The following FBXW4 variants were observed in gnomAD, a reference collection of about 807,000 sequenced individuals.
FBXW4 encodes F-box/WD repeat-containing protein 4.
FBXW4 carries 40 observed loss-of-function variants against 61.8 expected under a neutral mutation model. The ratio of observed to expected loss-of-function variants is 0.65; its 90% CI spans 0.50 to 0.84. FBXW4 has a LOEUF of 0.84. Among genes scored for constraint, FBXW4 ranks in the 40% least tolerant of loss-of-function variants. The pLI is 0.00. For missense variants in FBXW4, 672 were observed against 753.8 expected, an observed-to-expected ratio of 0.89 and a Z score of 1.27; for synonymous variants, 311 against 313.8, an observed-to-expected ratio of 0.99 and a Z score of 0.10.
chr10:101,645,598 G>A (rs1481995998), intron 5 of FBXW4, among the ~76,000 whole-genome samples: 1 of 152,220 alleles, frequency 6.6e-6, no homozygotes, highest in East Asian at 1.9e-4. Context: ...GACAAAGACA[G>A]GGCTTCATTC....
chr10:101,629,880 G>T (rs2063937679), intron 5 of FBXW4, among the ~76,000 whole-genome samples: 1 of 152,174 alleles, frequency 6.6e-6, no homozygotes, highest in African/African-American at 2.4e-5. Context: ...CCACCTGGAA[G>T]AAGAAAGAAG....
intron 6 of FBXW4, among the ~76,000 whole-genome samples, chr10:101,616,433 G>A (rs2063826935): frequency 6.6e-6 from 1 of 152,226 alleles, no homozygotes; most frequent in African/African-American, 2.4e-5. Context: ...TCAATCCAGG[G>A]AGAGAAAGAA....
chr10:101,611,700 G>A lies in FBXW4; in HGVS notation c.1512C>T (p.His504=), dbSNP rs750557282. The A allele has an allele frequency of 6.2e-7, 1 of 1,614,206 alleles. No individual in the cohort carries two copies. The highest frequency in any genetic ancestry group is 1.1e-5 in the South Asian group (1 of 91,084). ...AGTAGGAGGAACCTGTGGCCAGCAG[G>A]TGGTTGCCATCTGTCTGCAGGCAGT... The part of the protein sequence containing the change: ...TLYCLQTDGN[H]LLATGSSYYG... The change falls in exon 8 of 9, where the codon CAC becomes CAT. Residue 504 remains histidine, a synonymous_variant. Transcript: ENST00000331272. This position sits in a 1 kb window ranked among gnomAD's most constrained non-coding sequence, Gnocchi z 4.9.
chr10:101,678,719 C>T (rs1589778541), intron 1 of FBXW4, among the ~76,000 whole-genome samples: 2 of 152,298 alleles, frequency 1.3e-5, no homozygotes, highest in East Asian at 1.9e-4. Context: ...TGAGCCACCG[C>T]GCCCGGCGAG....
Position 101,673,551 on chromosome 10 carries a change from G to A in FBXW4, c.944C>T (p.Ala315Val). The A allele has an allele frequency of 6.2e-7, 1 of 1,613,968 alleles. No individual in the cohort carries two copies. Among genetic ancestry groups the A allele is most frequent in the South Asian group, 1.1e-5 (1 of 91,068 alleles). Residue 315 changes from alanine to valine, a missense_variant, in exon 3 of 9, where the codon GCT becomes GTT. Around this residue, in one of 5 missense-constraint regions of FBXW4, gnomAD observed 312 missense variants for 370.1 expected, o/e 0.84. Coordinates refer to ENST00000331272, the MANE Select transcript of FBXW4 (RefSeq NM_022039.4). ...GTGGCAAACGTCCTCATCATGCCCA[G>A]CAAAGACTCCCAGAGGCCGACGATT... ...SLNRRPLGVF[A>V]GHDEDVCHFV... is the part of the protein sequence containing the mutation.
chr10:101,651,521 T>C (rs889558271), intron 5 of FBXW4, among the ~76,000 whole-genome samples: 4 of 152,146 alleles, frequency 2.6e-5, no homozygotes, highest in Non-Finnish European at 1.5e-5. Flanking sequence ...ATCATTTTTT[T>C]CTTTTGAAAC....
rs2063965773 is a variant in FBXW4 at position 101,632,341 on chromosome 10, C to G, written c.1236-7531G>C. 2.0e-5 allele frequency among the ~76,000 whole-genome samples: 3 copies of G among 152,276 alleles called. No individual in the cohort carries two copies. The South Asian group carries it at 6.2e-4, about 32-fold the overall frequency. On this transcript the variant is annotated intron_variant, in intron 5 of 8. Coordinates refer to ENST00000331272, the MANE Select transcript of FBXW4 (RefSeq NM_022039.4). ...AGCTCTTACTGCTTGCTCCCTGCCCCCCAACTGCAACTCCAACAAATAAGG... is the reference window on the plus strand; with the variant it reads ...AGCTCTTACTGCTTGCTCCCTGCCCGCCAACTGCAACTCCAACAAATAAGG...
intron 6 of FBXW4, among the ~76,000 whole-genome samples, chr10:101,621,417 A>C (rs1180648900): frequency 6.6e-6 from 1 of 152,176 alleles, no homozygotes; most frequent in Non-Finnish European, 1.5e-5. Context: ...AGTCCTAACT[A>C]CTTGGGAGGC....
chr10:101,653,234 G>T lies in FBXW4; in HGVS notation c.1235+14652C>A, dbSNP rs558018614. On this transcript the variant is annotated intron_variant, in intron 5 of 8. Transcript: ENST00000331272. ...TCTTCCCACTGTCCCTACGAGTCTG[G>T]TCCCTTCCTGCTAACAAAGTGTATT... Among the ~76,000 whole-genome samples the T allele has an allele frequency of 7.9e-5, 12 of 152,166 alleles. No homozygotes were observed. The East Asian group carries it at 2.3e-3, about 29-fold the overall frequency.
chr10:101,676,242 C>T, intron 2 of FBXW4, 99 bp downstream of exon 2: 1 of 882,560 alleles, frequency 1.1e-6, no homozygotes, highest in South Asian at 1.7e-5. Flanking sequence ...CCCACCCACC[C>T]AAGATAGCCC....
chr10:101,643,466 G>T (rs2134848346), intron 5 of FBXW4, among the ~76,000 whole-genome samples: 1 of 152,338 alleles, frequency 6.6e-6, no homozygotes, highest in Non-Finnish European at 1.5e-5. Context: ...ACACATACAT[G>T]CAGCCGCGTT....
At chr10:101,637,869 G>A (rs533030302) in intron 5 of FBXW4, among the ~76,000 whole-genome samples, 5 of 151,960 alleles carry the variant, frequency 3.3e-5, no homozygotes, top group Admixed American at 6.6e-5. Context: ...CTGCAAAGTC[G>A]ACCCCGTAAT....
At chr10:101,680,524 C>A (rs1274043839) in intron 1 of FBXW4, among the ~76,000 whole-genome samples, 2 of 152,172 alleles carry the variant, frequency 1.3e-5, no homozygotes, top group South Asian at 4.1e-4. Flanking sequence ...AATACCATAT[C>A]ATCCATGTCC....
chr10:101,631,593 A>G (rs1334046928), intron 5 of FBXW4, among the ~76,000 whole-genome samples: 1 of 150,988 alleles, frequency 6.6e-6, no homozygotes, highest in African/African-American at 2.4e-5. Flanking sequence ...TTTAATGAGC[A>G]TGTGCTGTTT....
At chr10:101,629,262 A>T (rs1564906376) in intron 5 of FBXW4, among the ~76,000 whole-genome samples, 1 of 152,028 alleles carries the variant, frequency 6.6e-6, no homozygotes, top group Admixed American at 6.5e-5. Flanking sequence ...TGTAATCCTC[A>T]TAACACTATG....
chr10:101,694,854 T>G lies in FBXW4; in HGVS notation c.252A>C (p.Glu84Asp). The G allele has an allele frequency of 2.4e-6, 3 of 1,270,070 alleles. No individual in the cohort carries two copies. Among genetic ancestry groups the G allele is most frequent in the East Asian group, 3.2e-5 (1 of 31,246 alleles). The allele number at this position is 1,270,070 out of a possible 1,614,324, so 78.7% of individuals were successfully genotyped here. ...DAGARACPRE[E>D]AEGGRSVEEG... ...CCTCCACGCTTCTGCCTCCCTCTGC[T>G]TCCTCCCTTGGGCATGCCCTCGCTC... The change falls in exon 1 of 9, where the codon GAA becomes GAC. Residue 84 changes from glutamate (E) to aspartate (D), a missense_variant. By Grantham distance (45) the Glu-to-Asp change is conservative. Transcript: ENST00000331272. The surrounding 1 kb of genome is among the most constrained non-coding windows in gnomAD (Gnocchi z 6.0).
rs556210078 is a variant in FBXW4, at chr10:101,686,720, TGACCA to T, written c.725+7656_725+7660del. ...CATCAAAACAGGTTCTCAACCCAAG[TGACCA>T]GACTTCAAAATCCCTGGTGACCTTC... is the stretch of plus-strand genomic sequence containing the variant. On this transcript the variant is annotated intron_variant, in intron 1 of 8. Transcript: ENST00000331272. Among the ~76,000 whole-genome samples, 177 of 152,280 alleles carry T rather than the reference TGACCA, an allele frequency of 1.2e-3. 1 individual carries two copies. The highest frequency in any genetic ancestry group is 4.0e-3 in the African/African-American group (165 of 41,550).
At chr10:101,612,315 C>G in intron 7 of FBXW4, 22 bp downstream of exon 7, 1 of 1,517,562 alleles carries the variant, frequency 6.6e-7, no homozygotes, top group Non-Finnish European at 8.9e-7. Context: ...CACCACCTGT[C>G]CTCCCTGCCC....
In FBXW4 at chr10:101,695,166, G is replaced by T. The variant is rs1401585032; in HGVS notation, c.-61C>A. On this transcript the variant is annotated 5_prime_UTR_variant, in exon 1 of 9. Coordinates refer to ENST00000331272, the MANE Select transcript of FBXW4 (RefSeq NM_022039.4). This position sits in a 1 kb window ranked among gnomAD's most constrained non-coding sequence, Gnocchi z 4.2. ...CCCGAGCCGCCACCGCCGCCGCCCCGGGAGGAGGCGACACCATGTCGGACC... is the reference window on the plus strand; with the variant it reads ...CCCGAGCCGCCACCGCCGCCGCCCCTGGAGGAGGCGACACCATGTCGGACC... The T allele has an allele frequency of 1.0e-6, 1 of 985,290 alleles. No individual in the cohort carries two copies. The highest frequency in any genetic ancestry group is 4.7e-5 in the South Asian group (1 of 21,312). 61.0% of individuals were successfully genotyped at this position (985,290 alleles called of 1,614,324 possible). A position where few individuals can be genotyped will look rare whatever the true frequency, so the allele number is the denominator to read the frequency against.
Sources: gnomAD v4.1 joint callset for allele counts (sites outside exome capture counted in the v4.1 genomes callset) on GRCh38, gnomAD v4.1.1 for gene constraint, gnomAD v4.1.1 regional missense constraint, Gnocchi (gnomAD v3.1) non-coding constraint, MANE v1.5 for transcripts, NCBI Gene and HGNC (gene_info 2026-07-23, HGNC 2026-07-21) for gene names.